MYO3B: variants seen among roughly 807,000 people sequenced by gnomAD.
MYO3B encodes myosin IIIB.
In MYO3B, 156 loss-of-function variants were observed where a neutral mutation model predicts 174.6. The ratio of observed to expected loss-of-function variants is 0.89; its 90% confidence interval spans 0.78 to 1.02. The LOEUF is 1.02. MYO3B is among the 50% of genes least tolerant of loss of function. The pLI, the probability that MYO3B is intolerant of heterozygous loss-of-function variation, is 0.00. For missense variants in MYO3B, 1,632 were observed against 1,639.4 expected, an observed-to-expected ratio of 1.00 and a Z score of 0.08; for synonymous variants, 563 against 569.1, an observed-to-expected ratio of 0.99 and a Z score of 0.15.
chr2:170,213,168 A>G (rs2105363043), intron 3 of MYO3B, among the ~76,000 whole-genome samples: 1 of 152,326 alleles, frequency 6.6e-6, no homozygotes, highest in South Asian at 2.1e-4. Context: ...TTGATGAAAA[A>G]GTATTGTAGC....
chr2:170,182,369 A>G (rs2092411391), intron 1 of MYO3B, among the ~76,000 whole-genome samples: 1 of 152,120 alleles, frequency 6.6e-6, no homozygotes, highest in Non-Finnish European at 1.5e-5. Context: ...TTTATTGAAC[A>G]GTATTATTTA....
At chr2:170,376,653 C>A (rs1323050009) in intron 9 of MYO3B, among the ~76,000 whole-genome samples, 1 of 151,120 alleles carries the variant, frequency 6.6e-6, no homozygotes, top group East Asian at 2.0e-4. Context: ...CCTTTTCCAT[C>A]TGGAATCTGG....
chr2:170,182,778 G>A (rs1298217008), intron 1 of MYO3B, among the ~76,000 whole-genome samples: 3 of 151,538 alleles, frequency 2.0e-5, no homozygotes, highest in Non-Finnish European at 4.4e-5. Flanking sequence ...ACCCGGCTAA[G>A]TTTTCTGTTT....
chr2:170,200,423 G>A (rs2092649005), intron 3 of MYO3B, 139 bp downstream of exon 3: 7 of 870,190 alleles, frequency 8.0e-6, no homozygotes, highest in Non-Finnish European at 1.2e-5. Flanking sequence ...CTCACCAGAT[G>A]TGACATTCTC....
intron 7 of MYO3B, among the ~76,000 whole-genome samples, chr2:170,268,939 A>C (rs1168592898): frequency 6.6e-6 from 1 of 152,190 alleles, no homozygotes; most frequent in African/African-American, 2.4e-5. Flanking sequence ...TAAATCAAGA[A>C]AATGTGAAAT....
intron 16 of MYO3B, among the ~76,000 whole-genome samples, chr2:170,395,471 C>T (rs1196838438): frequency 3.3e-5 from 5 of 152,084 alleles, no homozygotes; most frequent in African/African-American, 7.2e-5. Context: ...CCTTTGAGAT[C>T]GGCGCAAAAT....
chr2:170,617,818 A>G (rs995411719), intron 32 of MYO3B, among the ~76,000 whole-genome samples: 20 of 152,228 alleles, frequency 1.3e-4, no homozygotes, highest in Admixed American at 1.1e-3. Context: ...TAGGAGCCCA[A>G]TCAACAATGG....
chr2:170,623,435 G>T (rs1490566712), intron 32 of MYO3B, among the ~76,000 whole-genome samples: 2 of 152,088 alleles, frequency 1.3e-5, no homozygotes, highest in Non-Finnish European at 2.9e-5. Context: ...ATTTTTTCTT[G>T]TAAATTTGTT....
chr2:170,628,619 A>T (rs967349965), intron 32 of MYO3B, among the ~76,000 whole-genome samples: 2 of 152,264 alleles, frequency 1.3e-5, no homozygotes, highest in African/African-American at 4.8e-5. Flanking sequence ...CGTCTTCTGC[A>T]TCGTTCACGC....
At chr2:170,392,163 T>C (rs2094416800) in intron 15 of MYO3B, among the ~76,000 whole-genome samples, 1 of 148,622 alleles carries the variant, frequency 6.7e-6, no homozygotes, top group Non-Finnish European at 1.5e-5. Flanking sequence ...TGTGGTGGCA[T>C]ACACCTGTAG....
At chr2:170,446,351 G>T (rs2094842438) in intron 23 of MYO3B, among the ~76,000 whole-genome samples, 1 of 152,044 alleles carries the variant, frequency 6.6e-6, no homozygotes, top group Admixed American at 6.6e-5. Flanking sequence ...TCCTCTGTTT[G>T]ATTTTTGACT....
rs544372945 is a variant in MYO3B, at chr2:170,621,301, T to G, written c.3734-30327T>G. On this transcript the variant is annotated intron_variant, in intron 32 of 34. Coordinates refer to ENST00000408978, the MANE Select transcript of MYO3B (RefSeq NM_138995.5). ...TTACTTCATAGGTTTATTTTATGTTTTATTCAATGAGTTAGTTCATATGGA... is the reference window on the plus strand; with the variant it reads ...TTACTTCATAGGTTTATTTTATGTTGTATTCAATGAGTTAGTTCATATGGA... 5.9e-5 allele frequency among the ~76,000 whole-genome samples: 9 copies of G among 152,328 alleles called. No individual in the cohort carries two copies. The East Asian group carries it at 7.7e-4, about 13-fold the overall frequency.
intron 23 of MYO3B, among the ~76,000 whole-genome samples, chr2:170,453,671 A>G (rs1198683008): frequency 6.6e-6 from 1 of 152,166 alleles, no homozygotes; most frequent in East Asian, 1.9e-4. Context: ...TTTCTGTTTT[A>G]TGGAACCATA....
At chr2:170,620,899 CTTTTTT>C (rs1390914953) in intron 32 of MYO3B, among the ~76,000 whole-genome samples, 1 of 151,510 alleles carries the variant, frequency 6.6e-6, no homozygotes, top group African/African-American at 2.4e-5. Flanking sequence ...ATTTTTTTTT[CTTTTTT>C]TTAGTTGGAG....
intron 24 of MYO3B, among the ~76,000 whole-genome samples, chr2:170,465,659 C>G (rs971336444): frequency 6.6e-6 from 1 of 152,182 alleles, no homozygotes; most frequent in African/African-American, 2.4e-5. Context: ...GCAGAAAAGC[C>G]TCTGGCTACG....
chr2:170,593,134 G>T (rs988330618), intron 32 of MYO3B, among the ~76,000 whole-genome samples: 3 of 152,120 alleles, frequency 2.0e-5, no homozygotes, highest in Admixed American at 6.5e-5. Context: ...GTCTTGCTCT[G>T]TTGCCCAGGG....
intron 22 of MYO3B, among the ~76,000 whole-genome samples, chr2:170,430,103 G>T (rs2094697360): frequency 6.6e-6 from 1 of 150,876 alleles, no homozygotes; most frequent in African/African-American, 2.4e-5. Context: ...TTTCATATAT[G>T]TGGGTTCTTC....
intron 1 of MYO3B, among the ~76,000 whole-genome samples, chr2:170,193,284 T>A (rs775405382): frequency 7.9e-5 from 12 of 152,108 alleles, no homozygotes; most frequent in Non-Finnish European, 1.3e-4. Context: ...ATTACTATTG[T>A]TGAATGTAAA....
intron 22 of MYO3B, among the ~76,000 whole-genome samples, chr2:170,416,300 A>G (rs934416536): frequency 1.3e-5 from 2 of 152,234 alleles, no homozygotes; most frequent in South Asian, 4.2e-4. Context: ...AGGCAGGTGG[A>G]TCACTTGAGG....
Sources: gnomAD v4.1 joint callset for allele counts (sites outside exome capture counted in the v4.1 genomes callset) on GRCh38, gnomAD v4.1.1 for gene constraint, MANE v1.5 for transcripts, NCBI Gene and HGNC (gene_info 2026-07-23, HGNC 2026-07-21) for gene names.